The following PIEZO2 variants were observed in gnomAD, a reference collection of about 807,000 sequenced individuals.
PIEZO2 encodes the protein piezo type mechanosensitive ion channel component 2.
Under a neutral mutation model 337.3 loss-of-function variants are expected in PIEZO2, and 172 were observed. That is an observed-to-expected ratio of 0.51 (90% confidence interval 0.45 to 0.58). The LOEUF (loss-of-function observed/expected upper bound fraction) is 0.58, where lower values mean the gene tolerates loss of function less well. Ranked by LOEUF, PIEZO2 falls within the 20% of genes least tolerant of loss-of-function variation. The probability of loss-of-function intolerance (pLI) is 0.00; values close to 1 mark genes in which losing one functional copy is unlikely to be tolerated. For missense variants in PIEZO2, 3,028 were observed against 3,391.3 expected (o/e 0.89, Z 2.66); for synonymous variants, 1,251 against 1,228.5 (o/e 1.02, Z -0.38).
chr18:10,812,081 C>T (rs1040212209), intron 7 of PIEZO2, among the ~76,000 whole-genome samples: 2 of 152,234 alleles, frequency 1.3e-5, no homozygotes, highest in African/African-American at 4.8e-5. Context: ...GATCTGCCCG[C>T]CTTGGCTTCC....
At position 10,794,682 on chromosome 18, in the gene PIEZO2, C is replaced by G. The variant is rs2039515288; in HGVS notation, c.1758+90G>C. On this transcript the variant is annotated intron_variant, in intron 13 of 55. Coordinates refer to ENST00000674853, the MANE Select transcript of PIEZO2 (RefSeq NM_001378183.1). This position sits in a 1 kb window ranked among gnomAD's most constrained non-coding sequence, Gnocchi z 6.6. Reference sequence around the variant, plus strand: ...TTACAAAGCAGTGAATATTTGGAACCTGTTTTTATAAGGTTTCTCTTGGAT... The same window carrying G: ...TTACAAAGCAGTGAATATTTGGAACGTGTTTTTATAAGGTTTCTCTTGGAT... The G allele has an allele frequency of 1.9e-6, 2 of 1,045,326 alleles. No individual in the cohort carries two copies. Among genetic ancestry groups the G allele is most frequent in the African/African-American group, 1.6e-5 (1 of 61,888 alleles). 64.8% of individuals were successfully genotyped at this position (1,045,326 alleles called of 1,614,324 possible).
chr18:10,844,561 G>T (rs1344742948), intron 7 of PIEZO2, among the ~76,000 whole-genome samples: 1 of 152,208 alleles, frequency 6.6e-6, no homozygotes, highest in East Asian at 1.9e-4. Context: ...GGCCGAGGTG[G>T]GTGGATCACG....
At position 10,716,262 on chromosome 18, in the gene PIEZO2, C is replaced by A. The variant is rs540172905; in HGVS notation, c.5090-446G>T. Among the ~76,000 whole-genome samples the A allele has an allele frequency of 1.3e-5, 2 of 152,328 alleles. No individual in the cohort carries two copies. Among genetic ancestry groups the A allele is most frequent in the African/African-American group, 4.8e-5 (2 of 41,568 alleles). On this transcript the variant is annotated intron_variant, in intron 37 of 55. Transcript: ENST00000674853. This position sits in a 1 kb window ranked among gnomAD's most constrained non-coding sequence, Gnocchi z 4.1. Reference sequence around the variant, plus strand: ...AAACCAACCCCTCTTCTTCCTCCTCCTCCTCAACCCACTCAAGGGAAGGAC... The same window carrying A: ...AAACCAACCCCTCTTCTTCCTCCTCATCCTCAACCCACTCAAGGGAAGGAC...
At chr18:10,933,700 T>C (rs796796990) in intron 3 of PIEZO2, among the ~76,000 whole-genome samples, 2 of 152,252 alleles carry the variant, frequency 1.3e-5, no homozygotes, top group African/African-American at 4.8e-5. Flanking sequence ...GAAGGGGCGG[T>C]GACATGATTT....
chr18:10,688,579 T>C (rs564116983), intron 49 of PIEZO2, among the ~76,000 whole-genome samples: 66 of 152,306 alleles, frequency 4.3e-4, no homozygotes, highest in African/African-American at 1.5e-3. Flanking sequence ...TCATATTCCA[T>C]TGAAACATAC....
chr18:11,122,698 T>C (rs960727972), intron 1 of PIEZO2, among the ~76,000 whole-genome samples: 1 of 152,208 alleles, frequency 6.6e-6, no homozygotes, highest in Non-Finnish European at 1.5e-5. Flanking sequence ...CTCAGAGTTC[T>C]AGTCCTTGAA....
Position 10,773,311 on chromosome 18 carries a change from G to A in PIEZO2, c.2785+101C>T, listed in dbSNP as rs1175799456. 7 of 1,206,222 alleles carry A rather than the reference G, an allele frequency of 5.8e-6. No homozygotes were observed. The highest frequency in any genetic ancestry group is 8.2e-6 in the Non-Finnish European group (7 of 858,732). 74.7% of individuals were successfully genotyped at this position (1,206,222 alleles called of 1,614,324 possible). The stretch of plus-strand genomic sequence containing the variant: ...AAACCACTCCAATTTTTATGTCATG[G>A]ACTGGGTCAAATATATATTCTTTTG... On this transcript the variant is annotated intron_variant, in intron 20 of 55. Coordinates refer to ENST00000674853, the MANE Select transcript of PIEZO2 (RefSeq NM_001378183.1). This position sits in a 1 kb window ranked among gnomAD's most constrained non-coding sequence, Gnocchi z 5.3.
intron 2 of PIEZO2, among the ~76,000 whole-genome samples, chr18:11,000,608 C>T (rs1254999969): frequency 6.6e-6 from 1 of 152,182 alleles, no homozygotes; most frequent in African/African-American, 2.4e-5. Context: ...GCTTCTACAG[C>T]ACAGTCCCCT....
intron 16 of PIEZO2, among the ~76,000 whole-genome samples, chr18:10,785,534 T>G (rs2039189120): frequency 6.6e-6 from 1 of 152,212 alleles, no homozygotes. Context: ...ATTTTCCTAT[T>G]TTTCTTGGCA....
rs1028980866 is a variant in PIEZO2 at position 11,094,504 on chromosome 18, G to A, written c.65-28282C>T. Among the ~76,000 whole-genome samples the A allele has an allele frequency of 4.6e-5, 7 of 152,168 alleles. No homozygotes were observed. Among genetic ancestry groups the A allele is most frequent in the Non-Finnish European group, 8.8e-5 (6 of 68,032 alleles). ...GAGACTCAGACAGTTGTAGGTGCCTGAGAGTAACAGCAGCAAGCCAGCAAC... is the reference window on the plus strand; with the variant it reads ...GAGACTCAGACAGTTGTAGGTGCCTAAGAGTAACAGCAGCAAGCCAGCAAC... On this transcript the variant is annotated intron_variant, in intron 1 of 55. Coordinates refer to ENST00000674853, the MANE Select transcript of PIEZO2 (RefSeq NM_001378183.1). The surrounding 1 kb of genome is among the most constrained non-coding windows in gnomAD (Gnocchi z 4.4).
chr18:10,835,911 T>C (rs116017954), intron 7 of PIEZO2, among the ~76,000 whole-genome samples: 3,871 of 152,340 alleles, frequency 0.025, 110 homozygotes, highest in African/African-American at 0.069. Context: ...AAATGCTCGA[T>C]TGCAAAGATC....
rs780585050 is a variant in PIEZO2 at position 11,032,743 on chromosome 18, G to T, written c.160+33384C>A. ...TGTGAATATGTGCACACATACAGAT[G>T]TAGAGTTTTCTAGACAAAGGACATG... On this transcript the variant is annotated intron_variant, in intron 2 of 55. Transcript: ENST00000674853. This position sits in a 1 kb window ranked among gnomAD's most constrained non-coding sequence, Gnocchi z 4.9. 2.0e-5 allele frequency among the ~76,000 whole-genome samples: 3 copies of T among 152,332 alleles called. No homozygotes were observed. In the East Asian group the frequency reaches 5.8e-4, roughly 29 times the overall value.
intron 2 of PIEZO2, among the ~76,000 whole-genome samples, chr18:10,996,564 C>T (rs545947868): frequency 5.0e-4 from 76 of 152,316 alleles, no homozygotes; most frequent in Non-Finnish European, 7.8e-4. Flanking sequence ...GGATTTTTCA[C>T]ATAAATGTAA....
intron 9 of PIEZO2, 109 bp from the exon 10 acceptor site, chr18:10,801,537 T>C (rs2039815202): frequency 5.3e-6 from 5 of 935,014 alleles, no homozygotes; most frequent in South Asian, 4.6e-5. Flanking sequence ...TTTAACTTGC[T>C]GATTGCTAGT....
At chr18:10,695,451 C>G (rs2035038541) in intron 47 of PIEZO2, among the ~76,000 whole-genome samples, 1 of 152,196 alleles carries the variant, frequency 6.6e-6, no homozygotes, top group East Asian at 1.9e-4. Context: ...CTGACAGCTT[C>G]TGGCCACCCT....
intron 18 of PIEZO2, 109 bp downstream of exon 18, chr18:10,780,216 A>C: frequency 1.5e-6 from 1 of 675,154 alleles, no homozygotes; most frequent in Middle Eastern, 2.4e-4. Flanking sequence ...CCTGAAGACC[A>C]GTGTCCACTA....
rs1334904655 is a variant in PIEZO2 at position 11,148,630 on chromosome 18, G to A, written c.-42C>T. 2.0e-6 allele frequency: 3 copies of A among 1,532,598 alleles called. No homozygotes were observed. The highest frequency in any genetic ancestry group is 1.4e-5 in the African/African-American group (1 of 73,012). The allele number at this position is 1,532,598 out of a possible 1,614,324, so 94.9% of individuals were successfully genotyped here. A position where few individuals can be genotyped will look rare whatever the true frequency, so the allele number is the denominator to read the frequency against. Reference sequence around the variant, plus strand: ...GTCGGAGCAGAGGGGCGAGGCTCGAGGGTCCCTAGGGGTGGTGGGACGCAA... The same window carrying A: ...GTCGGAGCAGAGGGGCGAGGCTCGAAGGTCCCTAGGGGTGGTGGGACGCAA... On this transcript the variant is annotated 5_prime_UTR_variant, in exon 1 of 56. Transcript: ENST00000674853. The surrounding 1 kb of genome is among the most constrained non-coding windows in gnomAD (Gnocchi z 5.2).
rs1443519328 is a variant in PIEZO2, at chr18:11,016,186, G to A, written c.161-36526C>T. Among the ~76,000 whole-genome samples, 1 of 152,150 alleles carries A rather than the reference G, an allele frequency of 6.6e-6. No homozygotes were observed. Among genetic ancestry groups the A allele is most frequent in the Non-Finnish European group, 1.5e-5 (1 of 68,026 alleles). ...TACTGTGGGTAAGAGGGAAGGAAAT[G>A]AGCCCTTTGACATTCACTCTCTTTG... On this transcript the variant is annotated intron_variant, in intron 2 of 55. Coordinates refer to ENST00000674853, the MANE Select transcript of PIEZO2 (RefSeq NM_001378183.1). This position sits in a 1 kb window ranked among gnomAD's most constrained non-coding sequence, Gnocchi z 5.6.
chr18:11,120,670 A>C (rs2040005339), intron 1 of PIEZO2, among the ~76,000 whole-genome samples: 1 of 152,250 alleles, frequency 6.6e-6, no homozygotes, highest in African/African-American at 2.4e-5. Context: ...AAGTACCATC[A>C]ATTTATGAAA....
Sources: allele counts gnomAD v4.1 joint callset (sites outside exome capture counted in the v4.1 genomes callset), GRCh38; gene constraint gnomAD v4.1.1; non-coding constraint Gnocchi (gnomAD v3.1); transcripts MANE v1.5; gene names NCBI Gene and HGNC (gene_info 2026-07-23, HGNC 2026-07-21).